The following FAN1 variants were observed in gnomAD, a reference collection of about 807,000 sequenced individuals.
The protein encoded by FAN1 is FANCD2 and FANCI associated nuclease 1.
FAN1 carries 91 observed loss-of-function variants against 104.9 expected under a neutral mutation model. The observed-to-expected ratio is 0.87, with a 90% CI of 0.73 to 1.03. The LOEUF is 1.03. Ranked by LOEUF, FAN1 falls within the 50% of genes least tolerant of loss-of-function variation. The pLI, the probability that FAN1 is intolerant of heterozygous loss-of-function variation, is 0.00. For missense variants in FAN1, 1,263 were observed against 1,239.9 expected, an observed-to-expected ratio of 1.02 and a Z score of -0.28; for synonymous variants, 478 against 457.6, an observed-to-expected ratio of 1.04 and a Z score of -0.57.
chr15:30,906,472 G>T (rs1044121014), intron 2 of FAN1: 1 of 456,684 alleles, frequency 2.2e-6, no homozygotes, highest in Non-Finnish European at 4.4e-6. Flanking sequence ...GAAGTCCTTG[G>T]CAGCCAGGGG....
At chr15:30,924,153 C>T (rs918620285) in intron 8 of FAN1, among the ~76,000 whole-genome samples, 2 of 152,218 alleles carry the variant, frequency 1.3e-5, no homozygotes, top group South Asian at 2.1e-4. Context: ...CTGAGCTTCA[C>T]CCGCATCGTG....
At chr15:30,920,475 TCA>T in intron 6 of FAN1, 68 bp from the exon 7 acceptor site, 2 of 975,766 alleles carry the variant, frequency 2.0e-6, no homozygotes, top group Non-Finnish European at 3.2e-6. Context: ...GTCTGCTTTG[TCA>T]CTTGTTATTA....
chr15:30,912,372 C>T (rs2062117762), intron 4 of FAN1, among the ~76,000 whole-genome samples: 1 of 152,196 alleles, frequency 6.6e-6, no homozygotes, highest in Non-Finnish European at 1.5e-5. Context: ...GAAAAAGGCA[C>T]ATTATTTATG....
rs1190522763 is a variant in FAN1, at chr15:30,904,763, T to A, written c.100T>A (p.Phe34Ile). ...AGCATCTAATTCTATTATTTCGTGT[T>A]TTAACAATGCACCACCTGCTAAACT... ...KKASNSIISC[F>I]NNAPPAKLAC... Residue 34 changes from phenylalanine (F) to isoleucine (I), a missense_variant, in exon 2 of 15, where the codon TTT (phenylalanine) becomes ATT (isoleucine). Physicochemically the swap from Phe to Ile is conservative, Grantham distance 21. Coordinates refer to ENST00000362065, the MANE Select transcript of FAN1 (RefSeq NM_014967.5). The A allele has an allele frequency of 1.2e-6, 2 of 1,613,358 alleles. No individual in the cohort carries two copies. The highest frequency in any genetic ancestry group is 2.7e-5 in the African/African-American group (2 of 74,914).
chr15:30,930,399 A>C, intron 12 of FAN1, 144 bp from the exon 13 acceptor site: 2 of 896,732 alleles, frequency 2.2e-6, no homozygotes, highest in Non-Finnish European at 3.2e-6. Context: ...TGGTACAAGC[A>C]GCAGAACAGC....
chr15:30,929,190 C>G lies in FAN1; in HGVS notation c.2593-13C>G, dbSNP rs773472889. 1.2e-6 allele frequency: 2 copies of G among 1,608,944 alleles called. No individual in the cohort carries two copies. The highest frequency in any genetic ancestry group is 1.1e-5 in the South Asian group (1 of 90,416). On this transcript the variant is annotated splice_polypyrimidine_tract_variant and intron_variant, in intron 11 of 14. Coordinates refer to ENST00000362065, the MANE Select transcript of FAN1 (RefSeq NM_014967.5). ...CAGGCACAGTATGACAGCTTGCTTTCCCTGTGACACAGGCATTCCCCCTGG... is the reference window on the plus strand; with the variant it reads ...CAGGCACAGTATGACAGCTTGCTTTGCCTGTGACACAGGCATTCCCCCTGG...
Position 30,905,540 on chromosome 15 carries a change from G to T in FAN1, c.877G>T (p.Val293Phe), listed in dbSNP as rs747058468. ...LVKQECIKEV[V>F]EKREACHCEE... ...AAAGCAAGAGTGTATCAAAGAAGTG[G>T]TTGAAAAACGTGAGGCATGTCATTG... Residue 293 changes from valine (V) to phenylalanine (F), a missense_variant, in exon 2 of 15, where the codon GTT becomes TTT. This residue lies in a region of FAN1 where 682 missense variants were observed against 571.1 expected (regional missense o/e 1.19). Transcript: ENST00000362065. 16 of 1,613,788 alleles carry T rather than the reference G, an allele frequency of 9.9e-6. No individual in the cohort carries two copies. The highest frequency in any genetic ancestry group is 8.0e-5 in the African/African-American group (6 of 74,916).
At position 30,942,334 on chromosome 15, in the gene FAN1, A is replaced by C. The variant is rs1227502955; in HGVS notation, c.*772A>C. On this transcript the variant is annotated 3_prime_UTR_variant, in exon 15 of 15. Coordinates refer to ENST00000362065, the MANE Select transcript of FAN1 (RefSeq NM_014967.5). ...TACCTCCTATCCACTAATTTGCTTA[A>C]GGATAAGTTCTAAGACGGGCTAGAA... 1.9e-6 allele frequency: 1 copy of C among 530,652 alleles called. No individual in the cohort carries two copies. Among genetic ancestry groups the C allele is most frequent in the African/African-American group, 1.9e-5 (1 of 52,720 alleles). The allele number at this position is 530,652 out of a possible 1,614,324, so 32.9% of individuals were successfully genotyped here.
In FAN1 at chr15:30,941,658, T is replaced by C; in HGVS notation, c.*96T>C. 1.2e-6 allele frequency: 2 copies of C among 1,612,704 alleles called. No individual in the cohort carries two copies. ...TGAGGGCCGCTGGCGTTGAAGTACA[T>C]CCTGCTCTGGCCCAGCTCCCCATAG... On this transcript the variant is annotated 3_prime_UTR_variant, in exon 15 of 15. Coordinates refer to ENST00000362065, the MANE Select transcript of FAN1 (RefSeq NM_014967.5).
At chr15:30,929,137 C>A (rs2062547346) in intron 11 of FAN1, 66 bp from the exon 12 acceptor site, 1 of 1,420,294 alleles carries the variant, frequency 7.0e-7, no homozygotes, top group Non-Finnish European at 9.8e-7. Flanking sequence ...TATGTACTGA[C>A]TAGTCCTCTG....
chr15:30,922,150 T>C, intron 7 of FAN1, 85 bp from the exon 8 acceptor site: 1 of 1,505,014 alleles, frequency 6.6e-7, no homozygotes, highest in Non-Finnish European at 9.0e-7. Flanking sequence ...ATAAATAGGC[T>C]TTACCAATCC....
intron 12 of FAN1, among the ~76,000 whole-genome samples, 199 bp downstream of exon 12, chr15:30,929,596 T>C (rs182181111): frequency 8.4e-4 from 105 of 124,766 alleles, no homozygotes; most frequent in African/African-American, 3.1e-3. Context: ...ATATATTATA[T>C]ATTACATATT....
At position 30,905,476 on chromosome 15, in the gene FAN1, T is replaced by C; in HGVS notation, c.813T>C (p.Leu271=). The change falls in exon 2 of 15, where the codon CTT becomes CTC. Residue 271 remains leucine (L), a synonymous_variant. Transcript: ENST00000362065. ...TGTTATTCTCACCAGATTTCACTCTTAGGAATACATTAAAGTCTACTTCAG... is the reference window on the plus strand; with the variant it reads ...TGTTATTCTCACCAGATTTCACTCTCAGGAATACATTAAAGTCTACTTCAG... ...AIMLFSPDFT[L]RNTLKSTSED... 1 of 1,614,062 alleles carries C rather than the reference T, an allele frequency of 6.2e-7. No individual in the cohort carries two copies. The highest frequency in any genetic ancestry group is 8.5e-7 in the Non-Finnish European group (1 of 1,179,946).
intron 13 of FAN1, among the ~76,000 whole-genome samples, chr15:30,931,818 T>C (rs962579235): frequency 1.3e-5 from 2 of 152,228 alleles, no homozygotes; most frequent in Non-Finnish European, 2.9e-5. Flanking sequence ...TAGATACATC[T>C]TGGAGTCAGG....
At chr15:30,918,011 T>C (rs1019750421) in intron 5 of FAN1, among the ~76,000 whole-genome samples, 153 bp from the exon 6 acceptor site, 1 of 152,222 alleles carries the variant, frequency 6.6e-6, no homozygotes, top group Non-Finnish European at 1.5e-5. Flanking sequence ...AGTGATTTGG[T>C]TAAGATAAAT....
rs1342045939 is a variant in FAN1, at chr15:30,908,103, T to G, written c.1235-15T>G. 17 of 1,583,196 alleles carry G rather than the reference T, an allele frequency of 1.1e-5. No individual in the cohort carries two copies. Among genetic ancestry groups the G allele is most frequent in the Admixed American group, 1.9e-5 (1 of 52,964 alleles). On this transcript the variant is annotated splice_polypyrimidine_tract_variant and intron_variant, in intron 2 of 14. Coordinates refer to ENST00000362065, the MANE Select transcript of FAN1 (RefSeq NM_014967.5). ...AATGCAGTGATTTTCAACATTTTTC[T>G]TAACTTTATTGCAGCTACTGGTCAG... is the stretch of plus-strand genomic sequence containing the variant.
chr15:30,913,633 G>A (rs1235139125), intron 4 of FAN1, among the ~76,000 whole-genome samples: 1 of 152,220 alleles, frequency 6.6e-6, no homozygotes, highest in Admixed American at 6.5e-5. Context: ...GAGGAAGGAA[G>A]CACTTGTATG....
In FAN1 at chr15:30,918,310, A is replaced by G. The variant is rs775272561; in HGVS notation, c.1943+15A>G. The G allele has an allele frequency of 6.2e-7, 1 of 1,613,428 alleles. No homozygotes were observed. The highest frequency in any genetic ancestry group is 1.1e-5 in the South Asian group (1 of 90,918). ...CCTTCTCTGAGGTGAGAGTTTTTCT[A>G]GGTACCTGCCAAAATTTATACATTG... is the stretch of plus-strand genomic sequence containing the variant. On this transcript the variant is annotated intron_variant, in intron 6 of 14. Transcript: ENST00000362065.
rs1209761580 is a variant in FAN1 at position 30,941,661 on chromosome 15, T to G, written c.*99T>G. 3 of 1,612,970 alleles carry G rather than the reference T, an allele frequency of 1.9e-6. No individual in the cohort carries two copies. The highest frequency in any genetic ancestry group is 2.5e-6 in the Non-Finnish European group (3 of 1,179,442). ...GGGCCGCTGGCGTTGAAGTACATCC[T>G]GCTCTGGCCCAGCTCCCCATAGCAG... On this transcript the variant is annotated 3_prime_UTR_variant, in exon 15 of 15. Transcript: ENST00000362065.
Sources: allele counts gnomAD v4.1 joint callset (sites outside exome capture counted in the v4.1 genomes callset), GRCh38; gene constraint gnomAD v4.1.1; regional missense constraint gnomAD v4.1.1; transcripts MANE v1.5; gene names NCBI Gene and HGNC (gene_info 2026-07-23, HGNC 2026-07-21).